Variants in AKAP19 observed in about 807,000 individuals in gnomAD.
AKAP19 encodes the protein small A-kinase anchoring protein.
chr2:189,904,331 G>A, the AKAP19 span, among the ~76,000 whole-genome samples: 1 of 152,058 alleles, frequency 6.6e-6, no homozygotes, highest in East Asian at 1.9e-4. Context: ...ACCAACCCAA[G>A]GTTAGGCCCT....
At chr2:190,042,623 C>G in the AKAP19 span, among the ~76,000 whole-genome samples, 9 of 151,980 alleles carry the variant, frequency 5.9e-5, no homozygotes, top group East Asian at 1.7e-3. Context: ...AATTTGAGAC[C>G]TTTCTTACTT....
chr2:189,918,816 A>G, the AKAP19 span, among the ~76,000 whole-genome samples: 1 of 152,242 alleles, frequency 6.6e-6, no homozygotes, highest in Non-Finnish European at 1.5e-5. Flanking sequence ...AATATTTTTC[A>G]GCCATACAAA....
chr2:190,120,041 G>T, the AKAP19 span, among the ~76,000 whole-genome samples: 1 of 152,092 alleles, frequency 6.6e-6, no homozygotes, highest in African/African-American at 2.4e-5. Context: ...CAAAGCAGGG[G>T]TCCCCAACCC....
At chr2:190,134,575 A>G in the AKAP19 span, among the ~76,000 whole-genome samples, 1 of 152,004 alleles carries the variant, frequency 6.6e-6, no homozygotes, top group Non-Finnish European at 1.5e-5. Flanking sequence ...GCCAGTAATA[A>G]AACCTTTAAT....
the AKAP19 span, among the ~76,000 whole-genome samples, chr2:189,963,197 C>CCCTTTTTTTT: frequency 3.5e-5 from 1 of 28,328 alleles, no homozygotes; most frequent in African/African-American, 5.4e-5. Flanking sequence ...GGCTTCACTT[C>CCCTTTTTTTT]TCTTTTTTTT....
At chr2:189,939,543 A>G in the AKAP19 span, among the ~76,000 whole-genome samples, 1 of 152,174 alleles carries the variant, frequency 6.6e-6, no homozygotes, top group Non-Finnish European at 1.5e-5. Flanking sequence ...GGAAGCAACA[A>G]CAGAGAACCT....
the AKAP19 span, among the ~76,000 whole-genome samples, chr2:189,965,451 G>A: frequency 6.6e-6 from 1 of 151,772 alleles, no homozygotes; most frequent in Non-Finnish European, 1.5e-5. Flanking sequence ...AAATTAGCAA[G>A]AAAAAAACCA....
the AKAP19 span, among the ~76,000 whole-genome samples, chr2:190,133,471 G>T: frequency 6.6e-6 from 1 of 152,090 alleles, no homozygotes; most frequent in African/African-American, 2.4e-5. Flanking sequence ...TACGGTTGCT[G>T]GGAATGTAAG....
chr2:189,882,583 T>C, the AKAP19 span, among the ~76,000 whole-genome samples: 1 of 152,156 alleles, frequency 6.6e-6, no homozygotes, highest in Non-Finnish European at 1.5e-5. Context: ...AATACACAAT[T>C]TAATCTGGCT....
chr2:190,194,078 A>C, the AKAP19 span, among the ~76,000 whole-genome samples: 22 of 152,180 alleles, frequency 1.4e-4, no homozygotes, highest in East Asian at 3.3e-3. Flanking sequence ...CAAATATATG[A>C]GGCTTTTCTA....
chr2:189,993,861 T>G, the AKAP19 span, among the ~76,000 whole-genome samples: 7 of 152,272 alleles, frequency 4.6e-5, no homozygotes, highest in Admixed American at 1.3e-4. Context: ...ATACCTCCCA[T>G]TACATTTCTA....
the AKAP19 span, among the ~76,000 whole-genome samples, chr2:189,974,929 T>C: frequency 6.6e-6 from 1 of 152,236 alleles, no homozygotes; most frequent in Non-Finnish European, 1.5e-5. Flanking sequence ...CTTGACTCTT[T>C]ATCCAATTTG....
At chr2:190,039,969 T>A in the AKAP19 span, among the ~76,000 whole-genome samples, 1 of 152,242 alleles carries the variant, frequency 6.6e-6, no homozygotes, top group Non-Finnish European at 1.5e-5. Context: ...TTGTGAATAC[T>A]GCTGCAATGA....
At chr2:190,131,919 T>A in the AKAP19 span, among the ~76,000 whole-genome samples, 1 of 152,054 alleles carries the variant, frequency 6.6e-6, no homozygotes, top group African/African-American at 2.4e-5. Context: ...GTCTCATATA[T>A]AGAAAACCTT....
At chr2:190,142,013 G>A in the AKAP19 span, among the ~76,000 whole-genome samples, 61 of 152,292 alleles carry the variant, frequency 4.0e-4, no homozygotes, top group African/African-American at 1.3e-3. Flanking sequence ...ATGCTACTTC[G>A]TGGGTCCCAT....
At chr2:190,013,739 C>T in the AKAP19 span, among the ~76,000 whole-genome samples, 1 of 151,948 alleles carries the variant, frequency 6.6e-6, no homozygotes, top group Non-Finnish European at 1.5e-5. Context: ...AGGATGGTCT[C>T]AATCTCCTGA....
At chr2:190,148,585 C>A in the AKAP19 span, among the ~76,000 whole-genome samples, 4 of 152,126 alleles carry the variant, frequency 2.6e-5, no homozygotes, top group African/African-American at 9.7e-5. Flanking sequence ...GGATTGGGAC[C>A]AATTCTCCTT....
At chr2:190,058,565 C>T in the AKAP19 span, among the ~76,000 whole-genome samples, 1 of 151,804 alleles carries the variant, frequency 6.6e-6, no homozygotes, top group African/African-American at 2.4e-5. Flanking sequence ...GTATGTTTAT[C>T]GCAGCATAAT....
chr2:190,131,862 T>C, the AKAP19 span, among the ~76,000 whole-genome samples: 4 of 151,970 alleles, frequency 2.6e-5, no homozygotes, highest in African/African-American at 9.7e-5. Flanking sequence ...TGAGTGACTG[T>C]GAAAGTAGAG....
Sources: gnomAD v4.1 joint callset for allele counts (sites outside exome capture counted in the v4.1 genomes callset) on GRCh38, gnomAD v4.1.1 for gene constraint, MANE v1.5 for transcripts, NCBI Gene and HGNC (gene_info 2026-07-23, HGNC 2026-07-21) for gene names.